TGFBR3: variants seen among roughly 807,000 people sequenced by gnomAD.
The protein encoded by TGFBR3 is transforming growth factor beta receptor 3, also known as transforming growth factor beta receptor type 3.
Under a neutral mutation model 87.9 loss-of-function variants are expected in TGFBR3, and 46 were observed. The ratio of observed to expected loss-of-function variants is 0.52; its 90% CI spans 0.41 to 0.67. TGFBR3 has a LOEUF of 0.67. Ranked by LOEUF, TGFBR3 falls within the 30% of genes least tolerant of loss-of-function variation. TGFBR3 has a pLI of 0.00. For synonymous variants in TGFBR3, 381 were observed against 391.6 expected (o/e 0.97, Z 0.32); for missense variants, 866 against 1,041.9 (o/e 0.83, Z 2.32).
At chr1:91,882,137 C>A (rs1281621669) in intron 1 of TGFBR3, among the ~76,000 whole-genome samples, 2 of 140,742 alleles carry the variant, frequency 1.4e-5, no homozygotes, top group East Asian at 4.1e-4. Context: ...AAATTGAAAA[C>A]CTTTTTTTTT....
At chr1:91,687,283 A>T (rs1309423078) in intron 16 of TGFBR3, among the ~76,000 whole-genome samples, 1 of 152,174 alleles carries the variant, frequency 6.6e-6, no homozygotes, top group Non-Finnish European at 1.5e-5. Flanking sequence ...CTCACCTGTG[A>T]AGAGCCTCTG....
rs540375214 is a variant in TGFBR3, at chr1:91,682,245, G to A, written c.*1494C>T. On this transcript the variant is annotated 3_prime_UTR_variant, in exon 17 of 17. Transcript: ENST00000212355. ...CAGGCATAACTTCCTTATTTTAAGG[G>A]CAGTGGGATTTGCTTATGAATATTT... 2.2e-6 allele frequency: 1 copy of A among 453,974 alleles called. No individual in the cohort carries two copies. Among genetic ancestry groups the A allele is most frequent in the South Asian group, 1.6e-5 (1 of 64,460 alleles). 28.1% of individuals were successfully genotyped at this position (453,974 alleles called of 1,614,324 possible). A position where few individuals can be genotyped will look rare whatever the true frequency, so the allele number is the denominator to read the frequency against.
chr1:91,690,580 C>T (rs1343932843), intron 16 of TGFBR3, among the ~76,000 whole-genome samples: 3 of 152,084 alleles, frequency 2.0e-5, no homozygotes, highest in South Asian at 2.1e-4. Flanking sequence ...ATTTGCCATG[C>T]GCTTCACTAT....
chr1:91,710,965 G>A (rs1200054117), intron 13 of TGFBR3, among the ~76,000 whole-genome samples: 2 of 152,156 alleles, frequency 1.3e-5, no homozygotes, highest in African/African-American at 4.8e-5. Context: ...ATGAAGCTGG[G>A]CTGTTCCAGG....
chr1:91,682,240 T>G lies in TGFBR3; in HGVS notation c.*1499A>C, dbSNP rs936103253. On this transcript the variant is annotated 3_prime_UTR_variant, in exon 17 of 17. Coordinates refer to ENST00000212355, the MANE Select transcript of TGFBR3 (RefSeq NM_003243.5). ...ACAACCAGGCATAACTTCCTTATTT[T>G]AAGGGCAGTGGGATTTGCTTATGAA... 4.4e-6 allele frequency: 2 copies of G among 453,948 alleles called. No individual in the cohort carries two copies. Among genetic ancestry groups the G allele is most frequent in the African/African-American group, 4.0e-5 (2 of 49,998 alleles). The allele number at this position is 453,948 out of a possible 1,614,324, so 28.1% of individuals were successfully genotyped here. A position where few individuals can be genotyped will look rare whatever the true frequency, so the allele number is the denominator to read the frequency against.
At chr1:91,759,251 G>C (rs1192117924) in intron 3 of TGFBR3, among the ~76,000 whole-genome samples, 1 of 152,114 alleles carries the variant, frequency 6.6e-6, no homozygotes, top group Admixed American at 6.5e-5. Flanking sequence ...AGTGCCGAAA[G>C]CTGAGAAAAA....
chr1:91,858,780 C>T (rs564145562), intron 2 of TGFBR3, among the ~76,000 whole-genome samples: 2 of 151,510 alleles, frequency 1.3e-5, no homozygotes, highest in East Asian at 3.9e-4. Context: ...ATTCATCCAG[C>T]GGTGGTGGCT....
chr1:91,842,210 T>G lies in TGFBR3; in HGVS notation c.61+19261A>C, dbSNP rs141744676. On this transcript the variant is annotated intron_variant, in intron 2 of 16. Transcript: ENST00000212355. The stretch of plus-strand genomic sequence containing the variant: ...TTACATTTTAGTGGGGGAAGATAAA[T>G]AATAAACATAAGTAAATTACAAGCA... 2.1e-3 allele frequency among the ~76,000 whole-genome samples: 321 copies of G among 152,130 alleles called. 1 individual carries two copies. The highest frequency in any genetic ancestry group is 7.3e-3 in the African/African-American group (303 of 41,512).
chr1:91,873,282 C>CTTTTTT (rs34364302), intron 1 of TGFBR3, among the ~76,000 whole-genome samples: 4 of 100,944 alleles, frequency 4.0e-5, no homozygotes, highest in Non-Finnish European at 5.7e-5. Context: ...ATTTTCCCTT[C>CTTTTTT]TTTTTTTTTT....
chr1:91,846,810 C>A (rs1224974897), intron 2 of TGFBR3, among the ~76,000 whole-genome samples: 2 of 152,194 alleles, frequency 1.3e-5, no homozygotes, highest in Non-Finnish European at 2.9e-5. Context: ...CTCCTATAAC[C>A]TCAGTCACGT....
chr1:91,826,040 C>T (rs1055154946), intron 2 of TGFBR3, among the ~76,000 whole-genome samples: 20 of 151,542 alleles, frequency 1.3e-4, no homozygotes, highest in South Asian at 6.2e-4. Context: ...CAAAGGAATA[C>T]GAAGTATCCT....
At position 91,721,956 on chromosome 1, in the gene TGFBR3, A is replaced by G; in HGVS notation, c.1074T>C (p.Asn358=). 2 of 1,612,864 alleles carry G rather than the reference A, an allele frequency of 1.2e-6. No individual in the cohort carries two copies. The highest frequency in any genetic ancestry group is 1.1e-5 in the South Asian group (1 of 90,772). The change falls in exon 8 of 17, where the codon AAT becomes AAC. Residue 358 remains asparagine (N), a splice_region_variant and synonymous_variant. Coordinates refer to ENST00000212355, the MANE Select transcript of TGFBR3 (RefSeq NM_003243.5). ...ANRFHLRLEN[N]AEEMGDEEVH... ...TAACTTAAAAAACTTCTAACTTACC[A>G]TTATTTTCAAGCCGAAGATGAAATC...
chr1:91,775,523 C>T (rs189381422), intron 3 of TGFBR3, among the ~76,000 whole-genome samples: 1 of 152,364 alleles, frequency 6.6e-6, no homozygotes, highest in Admixed American at 6.5e-5. Context: ...CCCTTCCTAA[C>T]CACCCTAACA....
In TGFBR3 at chr1:91,719,884, T is replaced by C. The variant is rs1332322466; in HGVS notation, c.1413+9A>G. 1 of 1,614,012 alleles carries C rather than the reference T, an allele frequency of 6.2e-7. No homozygotes were observed. The highest frequency in any genetic ancestry group is 1.3e-5 in the African/African-American group (1 of 74,928). ...GCCTCTCTTCCCTCCTGTAATCAGC[T>C]GCACCGACCTGAAAAGAATCTTTTT... On this transcript the variant is annotated intron_variant, in intron 9 of 16. Transcript: ENST00000212355.
At chr1:91,850,842 T>TCCAGAG (rs1488259665) in intron 2 of TGFBR3, among the ~76,000 whole-genome samples, 4 of 150,688 alleles carry the variant, frequency 2.7e-5, no homozygotes, top group African/African-American at 9.8e-5. Flanking sequence ...GCTGAACCTC[T>TCCAGAG]GCCCTCCTTT....
At chr1:91,752,848 C>T (rs1227884428) in intron 4 of TGFBR3, among the ~76,000 whole-genome samples, 1 of 151,520 alleles carries the variant, frequency 6.6e-6, no homozygotes, top group East Asian at 1.9e-4. Flanking sequence ...CAAAGTGAAA[C>T]CCCATCTTTA....
intron 16 of TGFBR3, among the ~76,000 whole-genome samples, chr1:91,689,666 AG>A (rs2100698824): frequency 6.6e-6 from 1 of 152,278 alleles, no homozygotes; most frequent in African/African-American, 2.4e-5. Flanking sequence ...ATAACAGAAC[AG>A]GAAGAAAAGA....
chr1:91,799,917 C>T (rs1049477755), intron 2 of TGFBR3, among the ~76,000 whole-genome samples: 1 of 152,148 alleles, frequency 6.6e-6, no homozygotes, highest in Non-Finnish European at 1.5e-5. Context: ...AAGATGTGCA[C>T]TTCTTGCCTT....
In TGFBR3 at chr1:91,797,337, C is replaced by T. The variant is rs181868200; in HGVS notation, c.196G>A (p.Val66Ile). 2.5e-6 allele frequency: 4 copies of T among 1,614,250 alleles called. No homozygotes were observed. The East Asian group carries it at 8.9e-5, about 36-fold the overall frequency. The change falls in exon 3 of 17, where the codon GTC becomes ATC. Residue 66 changes from valine (V) to isoleucine (I), a missense_variant. By Grantham distance (29) the Val-to-Ile change is conservative. Transcript: ENST00000212355. ...TGGCCTGCAGTGCGGAGATTCAGGA[C>T]ATGCACCTCCTGTGGCAGCCCAGTT... ...GTTGLPQEVH[V>I]LNLRTAGQGP...
Sources: allele counts gnomAD v4.1 joint callset (sites outside exome capture counted in the v4.1 genomes callset), GRCh38; gene constraint gnomAD v4.1.1; transcripts MANE v1.5; gene names NCBI Gene and HGNC (gene_info 2026-07-23, HGNC 2026-07-21).